Variants in CCDC190 observed in about 807,000 individuals in gnomAD.
The protein encoded by CCDC190 is coiled-coil domain containing 190.
CCDC190 carries 10 observed loss-of-function variants against 13.1 expected under a neutral mutation model. The observed-to-expected ratio is 0.77, with a 90% CI of 0.47 to 1.30. CCDC190 has a LOEUF of 1.30. CCDC190 is among the 50% of genes most tolerant of loss of function. The probability of loss-of-function intolerance (pLI) is 0.00; values close to 1 mark genes in which losing one functional copy is unlikely to be tolerated. For synonymous variants in CCDC190, 136 were observed against 127.2 expected (o/e 1.07, Z -0.47); for missense variants, 375 against 354.3 (o/e 1.06, Z -0.47).
At chr1:162,855,504 A>C in intron 3 of CCDC190, 128 bp downstream of exon 3, 11 of 1,485,992 alleles carry the variant, frequency 7.4e-6, no homozygotes, top group Non-Finnish European at 1.0e-5. Context: ...ACTGAGTAGT[A>C]ACAATGCAGG....
At chr1:162,868,242 G>C (rs140245368) in intron 1 of CCDC190, among the ~76,000 whole-genome samples, 1 of 152,282 alleles carries the variant, frequency 6.6e-6, no homozygotes, top group African/African-American at 2.4e-5. Context: ...GAAGGGCAAA[G>C]AAAGTGGTAA....
upstream of CCDC190, among the ~76,000 whole-genome samples, chr1:162,864,878 G>C (rs955161951): frequency 1.3e-5 from 2 of 152,018 alleles, no homozygotes; most frequent in African/African-American, 4.8e-5. Flanking sequence ...CAAGATGATA[G>C]ATTTTAAACC....
rs1413102016 is a variant in CCDC190, at chr1:162,852,454, T to C, written c.*2311A>G. The C allele has an allele frequency of 6.6e-6, 1 of 152,298 alleles. No individual in the cohort carries two copies. Among genetic ancestry groups the C allele is most frequent in the Non-Finnish European group, 1.5e-5 (1 of 68,086 alleles). 9.4% of individuals were successfully genotyped at this position (152,298 alleles called of 1,614,324 possible). On this transcript the variant is annotated 3_prime_UTR_variant, in exon 4 of 4. Coordinates refer to ENST00000367912, the MANE Select transcript of CCDC190 (RefSeq NM_001394065.1). ...TTCCATGCAGCAGCGTTCTCTTTGATTGAGTTAAGTTGTACTAATCAGAGT... is the reference window on the plus strand; with the variant it reads ...TTCCATGCAGCAGCGTTCTCTTTGACTGAGTTAAGTTGTACTAATCAGAGT...
chr1:162,867,163 G>A (rs1424863178), intron 1 of CCDC190, among the ~76,000 whole-genome samples: 1 of 151,820 alleles, frequency 6.6e-6, no homozygotes, highest in Non-Finnish European at 1.5e-5. Flanking sequence ...CAAAAGGCAA[G>A]CAAGAACCTG....
chr1:162,868,095 A>C (rs1254884714), intron 1 of CCDC190, among the ~76,000 whole-genome samples: 2 of 152,224 alleles, frequency 1.3e-5, no homozygotes, highest in African/African-American at 4.8e-5. Context: ...AAAAAACTTA[A>C]TATCATAGTA....
intron 2 of CCDC190, among the ~76,000 whole-genome samples, chr1:162,856,325 C>T (rs1261178737): frequency 1.3e-5 from 2 of 152,088 alleles, no homozygotes; most frequent in Non-Finnish European, 2.9e-5. Context: ...CCAGTGTTTG[C>T]GTAGTATATG....
At chr1:162,855,597 T>C (rs371455711) in intron 3 of CCDC190, 35 bp downstream of exon 3, 3 of 1,608,386 alleles carry the variant, frequency 1.9e-6, no homozygotes, top group Non-Finnish European at 2.5e-6. Flanking sequence ...AGAGACTTAA[T>C]GTCATACCCA....
Position 162,855,739 on chromosome 1 carries a change from C to A in CCDC190, c.204G>T (p.Lys68Asn). ...QRLQQETMKK[K>N]FSSYLGNGFQ... ...ATCCATTCCCCAAATAAGAGGAGAA[C>A]TTTTTCTTCATGGTTTCTGCTTTGA... Residue 68 changes from lysine to asparagine, a missense_variant, in exon 3 of 4, where the codon AAG becomes AAT. Coordinates refer to ENST00000367912, the MANE Select transcript of CCDC190 (RefSeq NM_001394065.1). The A allele has an allele frequency of 6.2e-7, 1 of 1,605,104 alleles. No homozygotes were observed. The highest frequency in any genetic ancestry group is 8.5e-7 in the Non-Finnish European group (1 of 1,174,678).
rs1035471092 is a variant in CCDC190 at position 162,855,138 on chromosome 1, C to T, written c.533G>A (p.Cys178Tyr). 1 of 1,613,750 alleles carries T rather than the reference C, an allele frequency of 6.2e-7. No individual in the cohort carries two copies. The highest frequency in any genetic ancestry group is 1.3e-5 in the African/African-American group (1 of 74,898). Residue 178 changes from cysteine to tyrosine, a missense_variant, in exon 4 of 4, where the codon TGC becomes TAC. Transcript: ENST00000367912. ...GTTGGTGGAAACCTCTTGATTTTGG[C>T]ATGGAACAGAGATGCCCTTGCTGGG... ...VDPSKGISVP[C>Y]QNQEVSTNTI...
Position 162,855,659 on chromosome 1 carries a change from T to C in CCDC190, c.284A>G (p.His95Arg). 2 of 1,613,904 alleles carry C rather than the reference T, an allele frequency of 1.2e-6. No individual in the cohort carries two copies. Among genetic ancestry groups the C allele is most frequent in the Non-Finnish European group, 1.7e-6 (2 of 1,179,792 alleles). ...LVFSPQGRQK[H>R]RAPQAKKMRA... Reference sequence around the variant, plus strand: ...CATTTTCTTAGCCTGTGGGGCTCTGTGCTTCTGCCTTCCCTGTGGTGAGAA... The same window carrying C: ...CATTTTCTTAGCCTGTGGGGCTCTGCGCTTCTGCCTTCCCTGTGGTGAGAA... Residue 95 changes from histidine to arginine, a missense_variant, in exon 3 of 4, where the codon CAC (histidine) becomes CGC (arginine). Transcript: ENST00000367912.
intron 1 of CCDC190, among the ~76,000 whole-genome samples, chr1:162,868,385 A>G (rs1247766366): frequency 1.3e-5 from 2 of 149,786 alleles, no homozygotes; most frequent in African/African-American, 4.9e-5. Context: ...TTGCCCTGAG[A>G]AAGGTAAAGA....
rs1418774171 is a variant in CCDC190, at chr1:162,855,106, C to CT, written c.564dup (p.Glu189ArgfsTer5). ...GCTGGGCTGGAACTAGGACCTTGTT[C>CT]TATGGTGTTGGTGGAAACCTCTTGA... On this transcript the variant is annotated frameshift_variant, in exon 4 of 4. Transcript: ENST00000367912. LOFTEE classifies it low-confidence loss of function (END_TRUNC). 1.9e-6 allele frequency: 3 copies of CT among 1,613,870 alleles called. No homozygotes were observed. Among genetic ancestry groups the CT allele is most frequent in the Non-Finnish European group, 2.5e-6 (3 of 1,179,888 alleles).
At chr1:162,863,220 C>T (rs1026050275), upstream of CCDC190, among the ~76,000 whole-genome samples, 2 of 152,116 alleles carry the variant, frequency 1.3e-5, no homozygotes, top group African/African-American at 2.4e-5. Context: ...TACATGGAGT[C>T]ACACCCTTTT....
At chr1:162,856,102 G>A (rs1259603582) in intron 2 of CCDC190, among the ~76,000 whole-genome samples, 1 of 152,160 alleles carries the variant, frequency 6.6e-6, no homozygotes, top group Non-Finnish European at 1.5e-5. Context: ...TGAACTTCTA[G>A]ACTCTAGAAT....
intron 1 of CCDC190, among the ~76,000 whole-genome samples, chr1:162,860,012 T>C (rs1650448501): frequency 6.6e-6 from 1 of 150,706 alleles, no homozygotes. Flanking sequence ...ATTTACCCAA[T>C]AAGAAAAGCC....
chr1:162,853,132 TTG>T lies in CCDC190; in HGVS notation c.*1631_*1632del. ...CTTGTGTTCCTTTCACTATAAAGTA[TTG>T]TCTCCCCATTGAAGGCCAGAGGCTG... On this transcript the variant is annotated 3_prime_UTR_variant, in exon 4 of 4. Coordinates refer to ENST00000367912, the MANE Select transcript of CCDC190 (RefSeq NM_001394065.1). 1 of 1,550,288 alleles carries T rather than the reference TTG, an allele frequency of 6.5e-7. No individual in the cohort carries two copies.
rs1369004560 is a variant in CCDC190, at chr1:162,854,877, T to C, written c.794A>G (p.Glu265Gly). Residue 265 changes from glutamate to glycine, a missense_variant, in exon 4 of 4, where the codon GAG becomes GGG. Coordinates refer to ENST00000367912, the MANE Select transcript of CCDC190 (RefSeq NM_001394065.1). ...TCCAATGCTAAGCAACCTCTCAGAC[T>C]CAGGGGGGACCCTGTGCCGGAGATA... ...AHYLRHRVPP[E>G]SERLLSIGEI... The C allele has an allele frequency of 6.2e-7, 1 of 1,614,060 alleles. No individual in the cohort carries two copies. The highest frequency in any genetic ancestry group is 1.7e-5 in the Admixed American group (1 of 60,022).
chr1:162,856,794 T>C (rs537987167), intron 2 of CCDC190, among the ~76,000 whole-genome samples: 13 of 152,328 alleles, frequency 8.5e-5, no homozygotes, highest in African/African-American at 2.9e-4. Context: ...TGTGAAGTGA[T>C]CAGAGCAAGG....
intron 2 of CCDC190, 33 bp downstream of exon 2, chr1:162,859,427 G>A: frequency 3.1e-6 from 5 of 1,593,728 alleles, no homozygotes; most frequent in Non-Finnish European, 4.3e-6. Flanking sequence ...TGTGCCTCTG[G>A]GGCATCCTCC....
Sources: allele counts gnomAD v4.1 joint callset (sites outside exome capture counted in the v4.1 genomes callset), GRCh38; gene constraint gnomAD v4.1.1; transcripts MANE v1.5; gene names NCBI Gene and HGNC (gene_info 2026-07-23, HGNC 2026-07-21).